SNTG1: variants seen among roughly 807,000 people sequenced by gnomAD.
SNTG1 encodes the protein syntrophin gamma 1.
Under a neutral mutation model 74.7 loss-of-function variants are expected in SNTG1, and 39 were observed. The ratio of observed to expected loss-of-function variants is 0.52; its 90% CI spans 0.40 to 0.68. SNTG1 has a LOEUF of 0.68. SNTG1 is among the 30% of genes least tolerant of loss of function. The pLI, the probability that SNTG1 is intolerant of heterozygous loss-of-function variation, is 0.00. For missense variants in SNTG1, 685 were observed against 609.5 expected, an observed-to-expected ratio of 1.12 and a Z score of -1.30; for synonymous variants, 254 against 217.1, an observed-to-expected ratio of 1.17 and a Z score of -1.49.
At position 50,368,606 on chromosome 8, in the gene SNTG1, G is replaced by A. The variant is rs571705984; in HGVS notation, c.-27-25606G>A. On this transcript the variant is annotated intron_variant, in intron 2 of 18. Transcript: ENST00000642720. ...GATTACACCATCAAAGATCCGGCCC[G>A]TTTGAACTGAAGAGGATAGGGGGAG... 1.6e-4 allele frequency among the ~76,000 whole-genome samples: 25 copies of A among 152,226 alleles called. No homozygotes were observed. The South Asian group carries it at 4.4e-3, about 27-fold the overall frequency.
chr8:50,533,072 C>T (rs79903793), intron 10 of SNTG1, among the ~76,000 whole-genome samples: 5,535 of 152,214 alleles, frequency 0.036, 346 homozygotes, highest in African/African-American at 0.13. Flanking sequence ...TCTAAAGATG[C>T]GCGACATCAC....
intron 17 of SNTG1, among the ~76,000 whole-genome samples, chr8:50,714,323 T>C (rs532766095): frequency 6.6e-6 from 1 of 152,176 alleles, no homozygotes; most frequent in African/African-American, 2.4e-5. Context: ...ATATGGGCTC[T>C]TTTTTGGTTC....
At chr8:50,167,016 G>C (rs1020779894) in intron 1 of SNTG1, among the ~76,000 whole-genome samples, 1 of 141,396 alleles carries the variant, frequency 7.1e-6, no homozygotes, top group Non-Finnish European at 1.5e-5. Context: ...GTAAACTATC[G>C]CAAGAACAAA....
intron 1 of SNTG1, among the ~76,000 whole-genome samples, chr8:50,055,341 T>C (rs1819936287): frequency 6.6e-6 from 1 of 152,166 alleles, no homozygotes; most frequent in African/African-American, 2.4e-5. Context: ...CCCATTTTAT[T>C]ATATCTTGCT....
intron 18 of SNTG1, among the ~76,000 whole-genome samples, chr8:50,780,652 C>G (rs1377094300): frequency 6.6e-6 from 1 of 152,286 alleles, no homozygotes; most frequent in Middle Eastern, 3.4e-3. Flanking sequence ...TTCAAAAAAC[C>G]AGCTCCTGGA....
chr8:50,305,563 T>C (rs1164025261), intron 2 of SNTG1, among the ~76,000 whole-genome samples: 1 of 151,590 alleles, frequency 6.6e-6, no homozygotes, highest in Non-Finnish European at 1.5e-5. Context: ...TGTCTGTATG[T>C]CTTCCATTCC....
intron 13 of SNTG1, among the ~76,000 whole-genome samples, chr8:50,619,730 C>T (rs1452016498): frequency 3.5e-5 from 4 of 114,622 alleles, no homozygotes; most frequent in Admixed American, 2.0e-4. Flanking sequence ...GACTCCGTCT[C>T]GAAAAAAAAA....
At chr8:50,407,055 C>T (rs576930223) in intron 4 of SNTG1, among the ~76,000 whole-genome samples, 1 of 152,214 alleles carries the variant, frequency 6.6e-6, no homozygotes, top group Admixed American at 6.5e-5. Flanking sequence ...AAAAGATACC[C>T]TCTTTAAACT....
At chr8:50,160,119 C>T (rs1050077420) in intron 1 of SNTG1, among the ~76,000 whole-genome samples, 2 of 152,128 alleles carry the variant, frequency 1.3e-5, no homozygotes, top group Admixed American at 1.3e-4. Context: ...AGGACATGCT[C>T]TTGGGCATTG....
chr8:50,692,985 T>G (rs2131459493), intron 15 of SNTG1, among the ~76,000 whole-genome samples: 1 of 152,310 alleles, frequency 6.6e-6, no homozygotes, highest in African/African-American at 2.4e-5. Context: ...GCTGCCACCT[T>G]GCAGATTGAT....
intron 2 of SNTG1, among the ~76,000 whole-genome samples, chr8:50,364,303 T>A (rs1468048628): frequency 1.3e-5 from 2 of 152,154 alleles, no homozygotes; most frequent in Non-Finnish European, 2.9e-5. Flanking sequence ...TCATGAATGA[T>A]GAAAGACACT....
chr8:50,101,340 T>C (rs1456227527), intron 1 of SNTG1, among the ~76,000 whole-genome samples: 1 of 152,100 alleles, frequency 6.6e-6, no homozygotes, highest in Non-Finnish European at 1.5e-5. Context: ...TTTTAAGTTA[T>C]TTGAGAAATC....
At chr8:50,074,443 C>T (rs1432090299) in intron 1 of SNTG1, among the ~76,000 whole-genome samples, 1 of 152,102 alleles carries the variant, frequency 6.6e-6, no homozygotes, top group Non-Finnish European at 1.5e-5. Context: ...TACTAACTTA[C>T]CTAATTTCAA....
At chr8:49,980,292 G>A (rs1410021336) in intron 1 of SNTG1, among the ~76,000 whole-genome samples, 3 of 152,062 alleles carry the variant, frequency 2.0e-5, no homozygotes, top group Non-Finnish European at 4.4e-5. Flanking sequence ...GAAATCAAAT[G>A]TTTGGCCCAG....
Position 50,562,195 on chromosome 8 carries a change from C to T in SNTG1, c.810+9016C>T, listed in dbSNP as rs911837609. Among the ~76,000 whole-genome samples the T allele has an allele frequency of 3.7e-4, 57 of 152,180 alleles. 1 individual carries two copies. The highest frequency in any genetic ancestry group is 3.1e-3 in the Admixed American group (47 of 15,274). On this transcript the variant is annotated intron_variant, in intron 12 of 18. Coordinates refer to ENST00000642720, the MANE Select transcript of SNTG1 (RefSeq NM_018967.5). ...TCTGTGGTAGGAAGAATAATGCCCA[C>T]GCAAAGATGTCTATGTCCTAACTCC...
At chr8:50,338,084 C>G (rs1487707996) in intron 2 of SNTG1, among the ~76,000 whole-genome samples, 2 of 29,080 alleles carry the variant, frequency 6.9e-5, no homozygotes, top group East Asian at 0.12. Flanking sequence ...TGCAGTGAGC[C>G]GAGATTGCGC....
intron 12 of SNTG1, among the ~76,000 whole-genome samples, chr8:50,576,950 T>C (rs896964648): frequency 1.3e-5 from 2 of 152,170 alleles, no homozygotes; most frequent in African/African-American, 4.8e-5. Flanking sequence ...TATTTCTTTT[T>C]TCTTGCTTAA....
chr8:50,553,406 A>T (rs1457280146), intron 12 of SNTG1, among the ~76,000 whole-genome samples: 2 of 152,218 alleles, frequency 1.3e-5, no homozygotes, highest in Non-Finnish European at 2.9e-5. Context: ...CCCCTACATT[A>T]CTTAAGCAAA....
At chr8:50,782,348 G>A (rs1470633670) in intron 18 of SNTG1, among the ~76,000 whole-genome samples, 4 of 152,200 alleles carry the variant, frequency 2.6e-5, no homozygotes, top group Admixed American at 2.0e-4. Context: ...ACACCAGTCA[G>A]ACATAGATTT....
Sources: allele counts gnomAD v4.1 joint callset (sites outside exome capture counted in the v4.1 genomes callset), GRCh38; gene constraint gnomAD v4.1.1; transcripts MANE v1.5; gene names NCBI Gene and HGNC (gene_info 2026-07-23, HGNC 2026-07-21).